The following ASTN2 variants were observed in gnomAD, a reference collection of about 807,000 sequenced individuals.
ASTN2 encodes astrotactin-2.
Under a neutral mutation model 139.8 loss-of-function variants are expected in ASTN2, and 54 were observed. The observed-to-expected ratio is 0.39, with a 90% CI of 0.31 to 0.48. ASTN2 has a LOEUF of 0.48. ASTN2 is among the 20% of genes least tolerant of loss of function. The pLI, the probability that ASTN2 is intolerant of heterozygous loss-of-function variation, is 0.95. For synonymous variants in ASTN2, 756 were observed against 719.5 expected, an observed-to-expected ratio of 1.05 and a Z score of -0.81; for missense variants, 1,565 against 1,725.1, an observed-to-expected ratio of 0.91 and a Z score of 1.64.
intron 10 of ASTN2, among the ~76,000 whole-genome samples, chr9:116,920,025 C>T (rs1235522701): frequency 1.3e-5 from 2 of 152,030 alleles, no homozygotes; most frequent in Non-Finnish European, 2.9e-5. Context: ...ACAGCACTTC[C>T]TGCTCTTTGC....
chr9:116,723,930 G>A (rs1372240465), intron 16 of ASTN2, among the ~76,000 whole-genome samples: 4 of 148,226 alleles, frequency 2.7e-5, no homozygotes, highest in African/African-American at 5.0e-5. Context: ...GTCTTGAGGG[G>A]GACCCCTCCA....
intron 16 of ASTN2, among the ~76,000 whole-genome samples, chr9:116,711,639 C>T (rs1799735652): frequency 6.6e-6 from 1 of 152,106 alleles, no homozygotes; most frequent in African/African-American, 2.4e-5. Context: ...ACCATACCTG[C>T]TGCTCCTTTT....
chr9:117,307,380 T>G (rs2130808976), intron 1 of ASTN2, among the ~76,000 whole-genome samples: 1 of 152,330 alleles, frequency 6.6e-6, no homozygotes, highest in East Asian at 1.9e-4. Context: ...ACACATTCTA[T>G]AAAACTGCTC....
At chr9:116,452,996 A>G (rs1445889472) in intron 20 of ASTN2, among the ~76,000 whole-genome samples, 1 of 152,150 alleles carries the variant, frequency 6.6e-6, no homozygotes, top group Non-Finnish European at 1.5e-5. Context: ...TCAGAGGAGG[A>G]GAGGCCAAGC....
At chr9:116,928,768 C>T (rs149648048) in intron 10 of ASTN2, among the ~76,000 whole-genome samples, 22 of 151,858 alleles carry the variant, frequency 1.4e-4, no homozygotes, top group Non-Finnish European at 3.1e-4. Flanking sequence ...ACCTAGCTGA[C>T]CTGTAAGTTA....
At chr9:117,335,704 G>A (rs1828860036) in intron 1 of ASTN2, among the ~76,000 whole-genome samples, 1 of 151,890 alleles carries the variant, frequency 6.6e-6, no homozygotes. Flanking sequence ...AATCAATGAA[G>A]CCATAAAATC....
rs1445605422 is a variant in ASTN2, at chr9:117,124,125, CAG to C, written c.1168+17199_1168+17200del. Among the ~76,000 whole-genome samples, 4 of 152,254 alleles carry C rather than the reference CAG, an allele frequency of 2.6e-5. No homozygotes were observed. In the East Asian group the frequency reaches 7.7e-4, roughly 29 times the overall value. ...GGTCTCAGTTTCTCACTTGTGAAAACAGGGATTTCTCAGGCTTCTTCCAGCTT... is the reference window on the plus strand; with the variant it reads ...GGTCTCAGTTTCTCACTTGTGAAAACGGATTTCTCAGGCTTCTTCCAGCTT... On this transcript the variant is annotated intron_variant, in intron 4 of 22. Transcript: ENST00000313400.
At chr9:116,474,402 T>C (rs1392050568) in intron 20 of ASTN2, among the ~76,000 whole-genome samples, 1 of 151,776 alleles carries the variant, frequency 6.6e-6, no homozygotes, top group African/African-American at 2.4e-5. Flanking sequence ...GAAAGTGGAA[T>C]AGGGTTGTTG....
chr9:116,971,933 T>A (rs1210614706), intron 10 of ASTN2, among the ~76,000 whole-genome samples: 2 of 152,220 alleles, frequency 1.3e-5, no homozygotes, highest in Non-Finnish European at 2.9e-5. Context: ...AGATTTGCAC[T>A]CAGCCAATTT....
intron 13 of ASTN2, among the ~76,000 whole-genome samples, chr9:116,797,989 A>G (rs1489035023): frequency 6.6e-6 from 1 of 152,234 alleles, no homozygotes; most frequent in Non-Finnish European, 1.5e-5. Flanking sequence ...GGGAGAGTTT[A>G]GCCAGGTGCA....
intron 10 of ASTN2, among the ~76,000 whole-genome samples, chr9:116,964,427 C>A (rs997441200): frequency 6.6e-6 from 1 of 152,064 alleles, no homozygotes; most frequent in Non-Finnish European, 1.5e-5. Context: ...CTGCTGTCTG[C>A]ATAATTGAAA....
chr9:116,679,895 G>A (rs968936466), intron 16 of ASTN2, among the ~76,000 whole-genome samples: 3 of 152,146 alleles, frequency 2.0e-5, no homozygotes, highest in Non-Finnish European at 4.4e-5. Context: ...GAAATTTATA[G>A]CAATAAATGC....
At position 116,640,631 on chromosome 9, in the gene ASTN2, A is replaced by G. The variant is rs576326097; in HGVS notation, c.3072+10897T>C. Among the ~76,000 whole-genome samples, 6 of 152,374 alleles carry G rather than the reference A, an allele frequency of 3.9e-5. No homozygotes were observed. The South Asian group carries it at 1.2e-3, about 32-fold the overall frequency. ...TGGCTGGAGCACAGGAAGCAAGAGA[A>G]GTAAGAAGACAAGATGAGTTTTAAG... On this transcript the variant is annotated intron_variant, in intron 17 of 22. Coordinates refer to ENST00000313400, the MANE Select transcript of ASTN2 (RefSeq NM_001365068.1).
intron 19 of ASTN2, among the ~76,000 whole-genome samples, chr9:116,565,249 CACACACACATAT>C (rs1853125652): frequency 7.3e-6 from 1 of 137,750 alleles, no homozygotes; most frequent in African/African-American, 3.3e-5. Context: ...CACACACACA[CACACACACATAT>C]GCCCCATACT....
At chr9:116,752,283 T>C (rs1051092999) in intron 13 of ASTN2, among the ~76,000 whole-genome samples, 3 of 151,864 alleles carry the variant, frequency 2.0e-5, no homozygotes, top group African/African-American at 4.8e-5. Context: ...CTGAAACAAA[T>C]AGACATCCAT....
In ASTN2 at chr9:116,778,847, G is replaced by A. The variant is rs115595747; in HGVS notation, c.2396+26785C>T. ...TCCTTTAGGAGAACAGAGGGGGCCC[G>A]AATCTAAATGATTGATTAAGTGAAT... On this transcript the variant is annotated intron_variant, in intron 13 of 22. Transcript: ENST00000313400. Among the ~76,000 whole-genome samples, 1,137 of 152,252 alleles carry A rather than the reference G, an allele frequency of 7.5e-3. 9 individuals are homozygous for A. Among genetic ancestry groups the A allele is most frequent in the African/African-American group, 0.025 (1,053 of 41,536 alleles).
chr9:116,459,795 T>C (rs1848433048), intron 20 of ASTN2, among the ~76,000 whole-genome samples: 1 of 151,966 alleles, frequency 6.6e-6, no homozygotes, highest in African/African-American at 2.4e-5. Flanking sequence ...CCTCATATAT[T>C]GGTGGTGGAA....
At chr9:116,907,479 G>A (rs547721135) in intron 10 of ASTN2, among the ~76,000 whole-genome samples, 13 of 152,306 alleles carry the variant, frequency 8.5e-5, no homozygotes, top group South Asian at 4.1e-4. Flanking sequence ...CCTCTGTTTC[G>A]GAGTGTGCTG....
At chr9:117,183,601 T>C (rs1831127931) in intron 3 of ASTN2, among the ~76,000 whole-genome samples, 1 of 152,220 alleles carries the variant, frequency 6.6e-6, no homozygotes, top group African/African-American at 2.4e-5. Flanking sequence ...TAAGTATCAG[T>C]AAATTTCAGG....
Sources: allele counts gnomAD v4.1 joint callset (sites outside exome capture counted in the v4.1 genomes callset), GRCh38; gene constraint gnomAD v4.1.1; transcripts MANE v1.5; gene names NCBI Gene and HGNC (gene_info 2026-07-23, HGNC 2026-07-21).